APBB2: variants seen among roughly 807,000 people sequenced by gnomAD.
The protein encoded by APBB2 is Fe65-like 1.
APBB2 carries 38 observed loss-of-function variants against 82.5 expected under a neutral mutation model. The observed-to-expected ratio is 0.46, with a 90% CI of 0.36 to 0.60. The LOEUF is 0.60. APBB2 is among the 20% of genes least tolerant of loss of function. The pLI is 0.00. For synonymous variants in APBB2, 341 were observed against 368.2 expected (o/e 0.93, Z 0.85); for missense variants, 772 against 972.3 (o/e 0.79, Z 2.74).
chr4:40,904,199 G>A (rs904905398), intron 10 of APBB2, among the ~76,000 whole-genome samples: 6 of 152,130 alleles, frequency 3.9e-5, no homozygotes, highest in African/African-American at 1.4e-4. Flanking sequence ...GGGAGGCTGA[G>A]GCGGGCAGAT....
At chr4:41,036,707 A>G (rs754039917) in intron 4 of APBB2, among the ~76,000 whole-genome samples, 6 of 152,180 alleles carry the variant, frequency 3.9e-5, no homozygotes, top group Non-Finnish European at 8.8e-5. Flanking sequence ...TTAAGGTGCA[A>G]TTTGAGGACC....
At chr4:41,049,739 C>A (rs1725246568) in intron 4 of APBB2, among the ~76,000 whole-genome samples, 1 of 152,178 alleles carries the variant, frequency 6.6e-6, no homozygotes, top group African/African-American at 2.4e-5. Context: ...GTTGCTGTGT[C>A]TGTGTAGAGA....
At chr4:40,842,411 AC>A in intron 12 of APBB2, 2 of 455,428 alleles carry the variant, frequency 4.4e-6, no homozygotes, top group Non-Finnish European at 8.8e-6. Context: ...CAGAGCAGAA[AC>A]AACACGTTAG....
intron 2 of APBB2, among the ~76,000 whole-genome samples, chr4:41,105,728 CA>C (rs1316014123): frequency 1.3e-3 from 204 of 151,568 alleles, no homozygotes; most frequent in Non-Finnish European, 4.9e-4. Flanking sequence ...ACTAAAAATA[CA>C]AAAAAAATTA....
intron 10 of APBB2, among the ~76,000 whole-genome samples, chr4:40,915,328 C>T (rs1779578904): frequency 6.6e-6 from 1 of 152,216 alleles, no homozygotes; most frequent in Admixed American, 6.5e-5. Flanking sequence ...CATAGTAAGT[C>T]TTTTCACCTG....
At chr4:41,179,781 T>C (rs935226937) in intron 1 of APBB2, among the ~76,000 whole-genome samples, 3 of 152,204 alleles carry the variant, frequency 2.0e-5, no homozygotes, top group African/African-American at 7.2e-5. Flanking sequence ...CAGCTGGCTT[T>C]ATTTAAAAAT....
At chr4:40,944,685 CT>C (rs1787893593) in intron 7 of APBB2, among the ~76,000 whole-genome samples, 179 bp downstream of exon 7, 2 of 152,250 alleles carry the variant, frequency 1.3e-5, no homozygotes, top group South Asian at 4.2e-4. Context: ...AAAAACATCC[CT>C]GAAAGATGGA....
intron 6 of APBB2, among the ~76,000 whole-genome samples, chr4:40,996,062 C>CT (rs1268289323): frequency 8.5e-5 from 13 of 152,322 alleles, no homozygotes; most frequent in African/African-American, 2.6e-4. Context: ...GAGTGTCTCA[C>CT]TTGGCAGAGA....
intron 12 of APBB2, chr4:40,881,285 A>C: frequency 1.0e-6 from 1 of 985,292 alleles, no homozygotes; most frequent in Non-Finnish European, 1.2e-6. Flanking sequence ...AGCACATACC[A>C]TAGATTAAAC....
intron 13 of APBB2, 74 bp from the exon 14 acceptor site, chr4:40,827,293 T>C (rs142124471): frequency 7.4e-5 from 98 of 1,331,312 alleles, no homozygotes; most frequent in Non-Finnish European, 1.0e-4. Flanking sequence ...GCCTGTAAAG[T>C]GTCTAGGTTG....
chr4:41,129,295 T>A (rs1755298128), intron 2 of APBB2, among the ~76,000 whole-genome samples: 1 of 152,016 alleles, frequency 6.6e-6, no homozygotes, highest in Non-Finnish European at 1.5e-5. Flanking sequence ...TGGCCCCACT[T>A]TCCATTTTCT....
intron 6 of APBB2, among the ~76,000 whole-genome samples, chr4:40,953,530 A>G (rs765026627): frequency 6.6e-6 from 1 of 151,998 alleles, no homozygotes; most frequent in Non-Finnish European, 1.5e-5. Flanking sequence ...TGGGGATATT[A>G]AAAATGAGAA....
chr4:41,180,603 G>A (rs554711971), intron 1 of APBB2, among the ~76,000 whole-genome samples: 4 of 152,110 alleles, frequency 2.6e-5, no homozygotes, highest in Admixed American at 6.5e-5. Flanking sequence ...AGCTATGATC[G>A]CACCACTACA....
chr4:40,855,471 T>C (rs1247386400), intron 12 of APBB2, among the ~76,000 whole-genome samples: 1 of 152,132 alleles, frequency 6.6e-6, no homozygotes, highest in African/African-American at 2.4e-5. Context: ...TGGTGGCTCA[T>C]GCCTGTAATC....
At chr4:41,151,184 T>C (rs7688053) in intron 1 of APBB2, among the ~76,000 whole-genome samples, 23,975 of 152,170 alleles carry the variant, frequency 0.16, 2,208 homozygotes, top group South Asian at 0.29. Context: ...GCAATGTTTA[T>C]CTTAAAATTG....
chr4:40,975,620 T>C (rs1560428592), intron 6 of APBB2, among the ~76,000 whole-genome samples: 1 of 152,172 alleles, frequency 6.6e-6, no homozygotes, highest in Non-Finnish European at 1.5e-5. Context: ...AGGCACTGTA[T>C]GAAATACTCC....
intron 5 of APBB2, 114 bp downstream of exon 5, chr4:41,033,122 A>T: frequency 1.2e-6 from 1 of 806,192 alleles, no homozygotes; most frequent in Non-Finnish European, 2.0e-6. Flanking sequence ...GAACAATGAA[A>T]TTAAAAAACA....
chr4:40,987,633 G>A (rs747460290), intron 6 of APBB2, among the ~76,000 whole-genome samples: 2 of 152,076 alleles, frequency 1.3e-5, no homozygotes, highest in African/African-American at 2.4e-5. Flanking sequence ...CTAACTCTCC[G>A]AACTAGGACG....
At chr4:41,169,358 G>GA (rs1184324782) in intron 1 of APBB2, among the ~76,000 whole-genome samples, 3 of 152,052 alleles carry the variant, frequency 2.0e-5, no homozygotes, top group African/African-American at 4.8e-5. Context: ...GACTGAAGAG[G>GA]AAAAAATCCA....
Sources: allele counts gnomAD v4.1 joint callset (sites outside exome capture counted in the v4.1 genomes callset), GRCh38; gene constraint gnomAD v4.1.1; transcripts MANE v1.5; gene names NCBI Gene and HGNC (gene_info 2026-07-23, HGNC 2026-07-21).